Variants in GRM8 observed in about 807,000 individuals in gnomAD.
GRM8 encodes the protein metabotropic glutamate receptor 8.
In GRM8, 47 loss-of-function variants were observed where a neutral mutation model predicts 87.2. The observed-to-expected ratio is 0.54, with a 90% CI of 0.43 to 0.69. GRM8 has a LOEUF of 0.69. GRM8 is among the 30% of genes least tolerant of loss of function. The pLI is 0.00. For synonymous variants in GRM8, 396 were observed against 404.5 expected (o/e 0.98, Z 0.25); for missense variants, 1,019 against 1,139.2 (o/e 0.89, Z 1.52).
chr7:126,848,151 A>G lies in GRM8; in HGVS notation c.1156+54391T>C, dbSNP rs144321198. Among the ~76,000 whole-genome samples the G allele has an allele frequency of 3.9e-3, 594 of 152,290 alleles. 6 individuals are homozygous for G. The highest frequency in any genetic ancestry group is 0.013 in the African/African-American group (549 of 41,570). ...AGAGAGAGGAGAAAATAAAATAGAA[A>G]TGTAATAAAGACGGGAAGAGGAACA... On this transcript the variant is annotated intron_variant, in intron 6 of 10. Coordinates refer to ENST00000339582, the MANE Select transcript of GRM8 (RefSeq NM_000845.3).
chr7:126,530,370 T>C (rs2150840890), intron 9 of GRM8, among the ~76,000 whole-genome samples: 1 of 152,346 alleles, frequency 6.6e-6, no homozygotes, highest in Middle Eastern at 3.4e-3. Flanking sequence ...TTCTTTCTCA[T>C]CACAGATCTG....
At position 127,243,073 on chromosome 7, in the gene GRM8, C is replaced by T; in HGVS notation, c.132G>A (p.Gly44=). The change falls in exon 2 of 11, where the codon GGG becomes GGA. Residue 44 remains glycine (G), a synonymous_variant. Transcript: ENST00000339582. ...GGAAGAGACCCCCCAAAATAATGTCCCCATCCACCCGTATGGAATGGGCAT... is the reference window on the plus strand; with the variant it reads ...GGAAGAGACCCCCCAAAATAATGTCTCCATCCACCCGTATGGAATGGGCAT... ...QEYAHSIRVD[G]DIILGGLFPV... 1.2e-6 allele frequency: 2 copies of T among 1,614,100 alleles called. No homozygotes were observed. The highest frequency in any genetic ancestry group is 2.7e-5 in the African/African-American group (2 of 75,000).
At chr7:126,566,156 T>C (rs1018228042) in intron 8 of GRM8, among the ~76,000 whole-genome samples, 9 of 152,156 alleles carry the variant, frequency 5.9e-5, no homozygotes, top group Non-Finnish European at 1.0e-4. Flanking sequence ...ATCCAAAGCA[T>C]TGGCGAAGAA....
At chr7:126,637,443 T>C (rs201119239) in intron 7 of GRM8, among the ~76,000 whole-genome samples, 196 of 152,140 alleles carry the variant, frequency 1.3e-3, no homozygotes, top group Non-Finnish European at 2.4e-3. Flanking sequence ...AAATGACATA[T>C]TCTGTTATGT....
chr7:127,012,181 C>T (rs985075091), intron 3 of GRM8, among the ~76,000 whole-genome samples: 23 of 152,158 alleles, frequency 1.5e-4, no homozygotes, highest in African/African-American at 5.3e-4. Flanking sequence ...CAAGCACCTG[C>T]AACTCCTCAA....
intron 3 of GRM8, among the ~76,000 whole-genome samples, chr7:127,061,759 C>T (rs866789881): frequency 3.3e-5 from 5 of 152,188 alleles, no homozygotes; most frequent in African/African-American, 1.2e-4. Context: ...TATCTTGTCA[C>T]TGCTCAATTC....
chr7:126,465,550 T>G (rs1314794538), intron 9 of GRM8, among the ~76,000 whole-genome samples: 1 of 151,930 alleles, frequency 6.6e-6, no homozygotes, highest in Non-Finnish European at 1.5e-5. Context: ...TCATTTATTT[T>G]GTTAGATATA....
At chr7:127,045,919 C>A (rs1243032296) in intron 3 of GRM8, among the ~76,000 whole-genome samples, 3 of 152,188 alleles carry the variant, frequency 2.0e-5, no homozygotes, top group Admixed American at 2.0e-4. Flanking sequence ...ATCTCTCACA[C>A]ATACACACCA....
rs535940029 is a variant in GRM8, at chr7:126,761,120, C to T, written c.1357+8745G>A. On this transcript the variant is annotated intron_variant, in intron 7 of 10. Transcript: ENST00000339582. ...CGCTGAGGAAAGAGAATTGCTTGAA[C>T]TCAGGAGGCGGAGGTTGCAGTGAGC... 4.6e-5 allele frequency among the ~76,000 whole-genome samples: 7 copies of T among 152,078 alleles called. No individual in the cohort carries two copies. The East Asian group carries it at 9.7e-4, about 21-fold the overall frequency.
At chr7:126,495,852 T>C (rs1252903340) in intron 9 of GRM8, among the ~76,000 whole-genome samples, 2 of 151,982 alleles carry the variant, frequency 1.3e-5, no homozygotes. Flanking sequence ...GAGAAAAATT[T>C]GTTGGCAAGG....
chr7:127,111,283 T>A (rs1357358668), intron 2 of GRM8: 3 of 152,222 alleles, frequency 2.0e-5, no homozygotes, highest in African/African-American at 7.2e-5. Flanking sequence ...TCCAAAAATT[T>A]AACTTAGAGC....
Position 127,092,350 on chromosome 7 carries a change from A to G in GRM8, c.727+14146T>C, listed in dbSNP as rs952582856. 3.5e-4 allele frequency among the ~76,000 whole-genome samples: 53 copies of G among 152,048 alleles called. 3 individuals carry two copies. ...GAAATCTAACTTGGGTGGGAAGAGG[A>G]GGGGATGAAGATTAGAGAAGGCTTC... On this transcript the variant is annotated intron_variant, in intron 3 of 10. Transcript: ENST00000339582.
chr7:126,775,030 A>G (rs1223780991), intron 6 of GRM8, among the ~76,000 whole-genome samples: 1 of 152,192 alleles, frequency 6.6e-6, no homozygotes, highest in Admixed American at 6.6e-5. Context: ...TTCTGGGGAA[A>G]TCAAACATCC....
intron 10 of GRM8, among the ~76,000 whole-genome samples, chr7:126,442,968 A>G (rs532655184): frequency 2.8e-4 from 42 of 152,174 alleles, no homozygotes; most frequent in Non-Finnish European, 4.9e-4. Flanking sequence ...GAAGTATTAT[A>G]GAGCAAAATG....
chr7:126,517,864 G>A (rs187933137), intron 9 of GRM8, among the ~76,000 whole-genome samples: 42 of 152,118 alleles, frequency 2.8e-4, no homozygotes, highest in East Asian at 1.9e-3. Context: ...AAGAGAACTC[G>A]TCACCTATAT....
At chr7:126,788,268 G>T (rs1257222812) in intron 6 of GRM8, among the ~76,000 whole-genome samples, 1 of 151,172 alleles carries the variant, frequency 6.6e-6, no homozygotes, top group East Asian at 1.9e-4. Flanking sequence ...AAATTAGCTG[G>T]GCCTGGTGGT....
intron 3 of GRM8, among the ~76,000 whole-genome samples, chr7:127,092,433 C>G (rs1211476338): frequency 1.3e-5 from 2 of 152,148 alleles, no homozygotes; most frequent in African/African-American, 4.8e-5. Context: ...CGGTGGCCCA[C>G]GCCTATAATC....
chr7:126,639,157 T>C (rs1272078694), intron 7 of GRM8, among the ~76,000 whole-genome samples: 2 of 152,252 alleles, frequency 1.3e-5, no homozygotes, highest in African/African-American at 4.8e-5. Context: ...TGCCACTTCC[T>C]TGGCATGCTC....
At chr7:127,029,641 G>T (rs1222300284) in intron 3 of GRM8, among the ~76,000 whole-genome samples, 1 of 145,976 alleles carries the variant, frequency 6.9e-6, no homozygotes, top group East Asian at 2.0e-4. Flanking sequence ...TTTTATCAGA[G>T]ACCAGGATTG....
Sources: allele counts gnomAD v4.1 joint callset (sites outside exome capture counted in the v4.1 genomes callset), GRCh38; gene constraint gnomAD v4.1.1; transcripts MANE v1.5; gene names NCBI Gene and HGNC (gene_info 2026-07-23, HGNC 2026-07-21).